The following HYAL4 variants were observed in gnomAD, a reference collection of about 807,000 sequenced individuals.
HYAL4 encodes hyaluronidase-4.
Under a neutral mutation model 35.2 loss-of-function variants are expected in HYAL4, and 37 were observed. That is an observed-to-expected ratio of 1.05 (90% CI 0.81 to 1.38). The LOEUF is 1.38. Ranked by LOEUF, HYAL4 falls within the 40% of genes most tolerant of loss-of-function variation. The pLI, the probability that HYAL4 is intolerant of heterozygous loss-of-function variation, is 0.00. For synonymous variants in HYAL4, 198 were observed against 203.2 expected, an observed-to-expected ratio of 0.97 and a Z score of 0.22; for missense variants, 572 against 572.4, an observed-to-expected ratio of 1.00 and a Z score of 0.01.
chr7:123,787,226 C>T, the HYAL4 span, among the ~76,000 whole-genome samples: 1 of 152,028 alleles, frequency 6.6e-6, no homozygotes, highest in Non-Finnish European at 1.5e-5. Context: ...ACTAGAGGGC[C>T]CTTCCTTAGC....
chr7:123,809,889 T>C, the HYAL4 span, among the ~76,000 whole-genome samples: 4 of 152,180 alleles, frequency 2.6e-5, no homozygotes, highest in African/African-American at 9.7e-5. Flanking sequence ...CCCCAGTTGA[T>C]TGAAGCATAT....
At chr7:123,859,189 C>G (rs1167551076) in intron 2 of HYAL4, among the ~76,000 whole-genome samples, 1 of 151,976 alleles carries the variant, frequency 6.6e-6, no homozygotes, top group Admixed American at 6.6e-5. Flanking sequence ...AATAAATCAC[C>G]AAAACTAATA....
At chr7:123,837,387 A>C (rs1215742529) in intron 1 of HYAL4, among the ~76,000 whole-genome samples, 3 of 152,124 alleles carry the variant, frequency 2.0e-5, no homozygotes, top group Non-Finnish European at 4.4e-5. Flanking sequence ...GTCAACTAGC[A>C]AATGCCATTT....
the HYAL4 span, among the ~76,000 whole-genome samples, chr7:123,789,022 G>A: frequency 6.6e-6 from 1 of 152,132 alleles, no homozygotes; most frequent in Admixed American, 6.5e-5. Context: ...GACTTGTTAT[G>A]GCACAAATTA....
At chr7:123,786,936 C>T in the HYAL4 span, among the ~76,000 whole-genome samples, 11 of 151,458 alleles carry the variant, frequency 7.3e-5, no homozygotes, top group Non-Finnish European at 8.8e-5. Flanking sequence ...GGCAAAAACC[C>T]GTCTCTACTA....
the HYAL4 span, among the ~76,000 whole-genome samples, chr7:123,768,521 G>C: frequency 0.066 from 10,016 of 152,158 alleles, 415 homozygotes; most frequent in East Asian, 0.11. Flanking sequence ...TCAGAGACTC[G>C]GGATGTTTTT....
Position 123,877,282 on chromosome 7 carries a change from C to A in HYAL4, c.*127C>A. The A allele has an allele frequency of 1.1e-6, 1 of 922,064 alleles. No homozygotes were observed. The highest frequency in any genetic ancestry group is 1.6e-6 in the Non-Finnish European group (1 of 622,504). The allele number at this position is 922,064 out of a possible 1,614,324, so 57.1% of individuals were successfully genotyped here. A position where few individuals can be genotyped will look rare whatever the true frequency, so the allele number is the denominator to read the frequency against. On this transcript the variant is annotated 3_prime_UTR_variant, in exon 5 of 5. Transcript: ENST00000223026. ...TATTATAAGTAGACATTATGTATGT[C>A]ACTTAACATAAACAGAAACATTATT...
At chr7:123,871,672 G>T (rs1025642632) in intron 3 of HYAL4, among the ~76,000 whole-genome samples, 1 of 152,144 alleles carries the variant, frequency 6.6e-6, no homozygotes, top group African/African-American at 2.4e-5. Context: ...CCTGGACTTA[G>T]TGTCTTAGTG....
chr7:123,876,557 A>T (rs1282132989), intron 4 of HYAL4, among the ~76,000 whole-genome samples, 197 bp from the exon 5 acceptor site: 1 of 152,134 alleles, frequency 6.6e-6, no homozygotes, highest in Non-Finnish European at 1.5e-5. Flanking sequence ...CCCCTTTCTG[A>T]TTTGGGACCC....
chr7:123,860,524 CTA>C (rs1224753851), intron 2 of HYAL4, among the ~76,000 whole-genome samples: 1 of 152,144 alleles, frequency 6.6e-6, no homozygotes, highest in Non-Finnish European at 1.5e-5. Flanking sequence ...ATTTTAAAGA[CTA>C]TTTTAATATC....
the HYAL4 span, among the ~76,000 whole-genome samples, chr7:123,796,964 A>G: frequency 6.6e-6 from 1 of 152,204 alleles, no homozygotes. Flanking sequence ...GGGGGAAACA[A>G]GATCTCAAAA....
chr7:123,785,214 T>A, the HYAL4 span, among the ~76,000 whole-genome samples: 1 of 152,100 alleles, frequency 6.6e-6, no homozygotes, highest in Non-Finnish European at 1.5e-5. The surrounding 1 kb of genome is among the most constrained non-coding windows in gnomAD (Gnocchi z 4.5). Context: ...GCCTCCCAAG[T>A]AGCTGGGACT....
chr7:123,834,725 A>G (rs1399300696), intron 1 of HYAL4, among the ~76,000 whole-genome samples: 1 of 152,108 alleles, frequency 6.6e-6, no homozygotes, highest in African/African-American at 2.4e-5. Flanking sequence ...TTTGTCATAG[A>G]TAGCTTTTAT....
the HYAL4 span, among the ~76,000 whole-genome samples, chr7:123,811,969 G>C: frequency 1.7e-4 from 26 of 152,134 alleles, no homozygotes; most frequent in African/African-American, 6.0e-4. Flanking sequence ...AGCCTCCTGA[G>C]TAGCTGTGAT....
the HYAL4 span, among the ~76,000 whole-genome samples, chr7:123,794,527 G>A: frequency 6.6e-6 from 1 of 152,336 alleles, no homozygotes; most frequent in Non-Finnish European, 1.5e-5. Context: ...TTGAGACATG[G>A]TACCCTGAGT....
At chr7:123,848,638 C>T (rs946281015) in intron 2 of HYAL4, among the ~76,000 whole-genome samples, 3 of 152,214 alleles carry the variant, frequency 2.0e-5, no homozygotes, top group Non-Finnish European at 4.4e-5. Flanking sequence ...AAGCACTCCT[C>T]AAGCTAACTT....
the HYAL4 span, among the ~76,000 whole-genome samples, chr7:123,820,583 CA>C: frequency 0.048 from 5,457 of 113,254 alleles, 115 homozygotes; most frequent in Non-Finnish European, 0.069. Context: ...AACTCCATCT[CA>C]AAAAAAAAAA....
the HYAL4 span, among the ~76,000 whole-genome samples, chr7:123,817,510 CTTT>C: frequency 1.6e-5 from 2 of 122,166 alleles, no homozygotes; most frequent in Non-Finnish European, 1.7e-5. Flanking sequence ...CATTCTTCTT[CTTT>C]TTTTTTTTTT....
At chr7:123,799,027 C>T in the HYAL4 span, among the ~76,000 whole-genome samples, 11 of 152,140 alleles carry the variant, frequency 7.2e-5, no homozygotes, top group Non-Finnish European at 1.5e-4. Context: ...GAGAACACTA[C>T]GCTTGCAACT....
Sources: allele counts gnomAD v4.1 joint callset (sites outside exome capture counted in the v4.1 genomes callset), GRCh38; gene constraint gnomAD v4.1.1; non-coding constraint Gnocchi (gnomAD v3.1); transcripts MANE v1.5; gene names NCBI Gene and HGNC (gene_info 2026-07-23, HGNC 2026-07-21).